RTN4RL1: variants seen among roughly 807,000 people sequenced by gnomAD.
The protein encoded by RTN4RL1 is reticulon 4 receptor like 1, also known as reticulon-4 receptor-like 1.
RTN4RL1 carries 7 observed loss-of-function variants against 25.6 expected under a neutral mutation model. That is an observed-to-expected ratio of 0.27 (90% CI 0.16 to 0.51). RTN4RL1 has a LOEUF of 0.51. RTN4RL1 is among the 20% of genes least tolerant of loss of function. The pLI is 0.97. For synonymous variants in RTN4RL1, 297 were observed against 288.2 expected (o/e 1.03, Z -0.31); for missense variants, 500 against 615.6 (o/e 0.81, Z 1.99).
In RTN4RL1 at chr17:1,988,159, C is replaced by T. The variant is rs534859235; in HGVS notation, c.13+36694G>A. On this transcript the variant is annotated intron_variant, in intron 1 of 1. Transcript: ENST00000331238. ...GGAGGCCGGGCATGGTGGCTCACGC[C>T]TGTAATCCCAGCACTTTGGGAGGCT... is the stretch of plus-strand genomic sequence containing the variant. 2.6e-5 allele frequency among the ~76,000 whole-genome samples: 4 copies of T among 152,086 alleles called. No homozygotes were observed. The East Asian group carries it at 7.7e-4, about 29-fold the overall frequency.
In RTN4RL1 at chr17:1,998,990, C is replaced by T. The variant is rs974238646; in HGVS notation, c.13+25863G>A. 2.6e-5 allele frequency among the ~76,000 whole-genome samples: 4 copies of T among 152,224 alleles called. No homozygotes were observed. The highest frequency in any genetic ancestry group is 6.5e-5 in the Admixed American group (1 of 15,288). ...CTGCTCCCCCTTCCCTGCACGATGC[C>T]ATCCTCTCACACACAGGGCGGGGAC... On this transcript the variant is annotated intron_variant, in intron 1 of 1. Transcript: ENST00000331238. The surrounding 1 kb of genome is among the most constrained non-coding windows in gnomAD (Gnocchi z 4.9).
At chr17:1,970,091 A>C (rs547631740) in intron 1 of RTN4RL1, among the ~76,000 whole-genome samples, 1 of 149,670 alleles carries the variant, frequency 6.7e-6, no homozygotes, top group East Asian at 2.0e-4. Context: ...GCGCAATCTC[A>C]ATTCACTGCA....
rs954039761 is a variant in RTN4RL1, at chr17:1,994,199, G to C, written c.13+30654C>G. 2.0e-5 allele frequency among the ~76,000 whole-genome samples: 3 copies of C among 151,934 alleles called. No individual in the cohort carries two copies. The highest frequency in any genetic ancestry group is 2.0e-4 in the Admixed American group (3 of 15,218). ...GTGTGCCCAGGTGGAATTCACAGGC[G>C]CTGGGAGCTTGAGGGGGAAGTGATG... On this transcript the variant is annotated intron_variant, in intron 1 of 1. Coordinates refer to ENST00000331238, the MANE Select transcript of RTN4RL1 (RefSeq NM_178568.4). The surrounding 1 kb of genome is among the most constrained non-coding windows in gnomAD (Gnocchi z 4.3).
At chr17:1,968,711 C>G (rs2066804346) in intron 1 of RTN4RL1, among the ~76,000 whole-genome samples, 2 of 151,854 alleles carry the variant, frequency 1.3e-5, no homozygotes, top group African/African-American at 4.8e-5. Context: ...CCTGAGGTCA[C>G]CCGTCCCCTC....
chr17:1,972,924 G>C (rs2066826772), intron 1 of RTN4RL1, among the ~76,000 whole-genome samples: 1 of 152,238 alleles, frequency 6.6e-6, no homozygotes, highest in Non-Finnish European at 1.5e-5. Context: ...TGCAGATGAA[G>C]CAGCGGCCGA....
intron 1 of RTN4RL1, among the ~76,000 whole-genome samples, chr17:1,980,843 A>C (rs1307290508): frequency 9.0e-6 from 1 of 111,204 alleles, no homozygotes; most frequent in Non-Finnish European, 1.9e-5. Context: ...CAGGAGAATC[A>C]CTTGAACCCA....
intron 1 of RTN4RL1, among the ~76,000 whole-genome samples, chr17:1,980,163 A>G (rs1300031537): frequency 6.7e-6 from 1 of 148,600 alleles, no homozygotes; most frequent in African/African-American, 2.6e-5. Flanking sequence ...TCCCAGGCTC[A>G]GGTGATCCTC....
intron 1 of RTN4RL1, among the ~76,000 whole-genome samples, chr17:1,951,590 A>C (rs1210320705): frequency 6.6e-6 from 1 of 152,024 alleles, no homozygotes; most frequent in Non-Finnish European, 1.5e-5. Flanking sequence ...AGCTGGGATT[A>C]CAGGCACACG....
Position 2,025,073 on chromosome 17 carries a change from G to A in RTN4RL1, c.-208C>T, listed in dbSNP as rs2067254353. 1 of 433,050 alleles carries A rather than the reference G, an allele frequency of 2.3e-6. No homozygotes were observed. Among genetic ancestry groups the A allele is most frequent in the African/African-American group, 2.1e-5 (1 of 48,010 alleles). 26.8% of individuals were successfully genotyped at this position (433,050 alleles called of 1,614,324 possible). A position where few individuals can be genotyped will look rare whatever the true frequency, so the allele number is the denominator to read the frequency against. On this transcript the variant is annotated 5_prime_UTR_variant, in exon 1 of 2. The change creates a new upstream start codon in the 5' untranslated region. Transcript: ENST00000331238. This position sits in a 1 kb window ranked among gnomAD's most constrained non-coding sequence, Gnocchi z 4.8. The stretch of plus-strand genomic sequence containing the variant: ...AGGGCACCGGCGCCCGCAAGCAACC[G>A]TGGTGCTGCCCGGCAGCCCCGCGCG...
chr17:1,982,609 G>A (rs1159098688), intron 1 of RTN4RL1, among the ~76,000 whole-genome samples: 5 of 134,174 alleles, frequency 3.7e-5, no homozygotes, highest in African/African-American at 1.2e-4. Flanking sequence ...GCGAGACTCC[G>A]TCTCAAAAGA....
At chr17:2,012,143 C>G (rs951086404) in intron 1 of RTN4RL1, among the ~76,000 whole-genome samples, 5 of 152,198 alleles carry the variant, frequency 3.3e-5, no homozygotes, top group Non-Finnish European at 5.9e-5. Context: ...TCTCTGAAGC[C>G]CAGAGAGTGT....
rs1009660045 is a variant in RTN4RL1, at chr17:1,977,488, A to C, written c.14-39680T>G. Among the ~76,000 whole-genome samples the C allele has an allele frequency of 9.2e-5, 14 of 151,990 alleles. No individual in the cohort carries two copies. In the East Asian group the frequency reaches 2.1e-3, roughly 23 times the overall value. On this transcript the variant is annotated intron_variant, in intron 1 of 1. Transcript: ENST00000331238. ...ATCCCCCTGAGGATGACTTTCCCCAAACAAGAGCGGGGTCGAGAGCCGCCC... is the reference window on the plus strand; with the variant it reads ...ATCCCCCTGAGGATGACTTTCCCCACACAAGAGCGGGGTCGAGAGCCGCCC...
At chr17:2,000,848 A>G (rs1300293849) in intron 1 of RTN4RL1, among the ~76,000 whole-genome samples, 1 of 152,034 alleles carries the variant, frequency 6.6e-6, no homozygotes, top group East Asian at 1.9e-4. Context: ...CTACGGGTCC[A>G]GCAGCCTTGG....
At chr17:1,969,769 C>T (rs1342283817) in intron 1 of RTN4RL1, among the ~76,000 whole-genome samples, 6 of 152,130 alleles carry the variant, frequency 3.9e-5, no homozygotes, top group South Asian at 2.1e-4. Context: ...ACTCTGAACA[C>T]GAGGGCTTAA....
intron 1 of RTN4RL1, among the ~76,000 whole-genome samples, chr17:1,938,129 G>A (rs1346998180): frequency 6.6e-6 from 1 of 152,140 alleles, no homozygotes; most frequent in Non-Finnish European, 1.5e-5. Context: ...CACACTGCTG[G>A]GGTGTAGGTC....
At chr17:2,021,869 T>C (rs1245049225) in intron 1 of RTN4RL1, among the ~76,000 whole-genome samples, 2 of 148,604 alleles carry the variant, frequency 1.3e-5, no homozygotes, top group Non-Finnish European at 3.0e-5. Flanking sequence ...TTTTTTTTTT[T>C]TTTTTTTTAA....
chr17:1,971,765 A>T (rs558086196), intron 1 of RTN4RL1, among the ~76,000 whole-genome samples: 2 of 151,978 alleles, frequency 1.3e-5, no homozygotes, highest in Non-Finnish European at 1.5e-5. Flanking sequence ...GATCGAGACC[A>T]TCCTAGCTAA....
At chr17:1,939,373 A>AAT in intron 1 of RTN4RL1, among the ~76,000 whole-genome samples, 1 of 149,102 alleles carries the variant, frequency 6.7e-6, no homozygotes, top group Non-Finnish European at 1.5e-5. Context: ...TAAATAAATA[A>AAT]ATAAATAAAT....
rs147931732 is a variant in RTN4RL1 at position 1,999,142 on chromosome 17, T to TACACAC, written c.13+25705_13+25710dup. Among the ~76,000 whole-genome samples, 259 of 147,942 alleles carry TACACAC rather than the reference T, an allele frequency of 1.8e-3. 1 individual carries two copies. The highest frequency in any genetic ancestry group is 6.3e-3 in the African/African-American group (251 of 40,036). ...CGCTGCACTGAATGTGTGCTCATCATACACACACACACACACACACACCGG... is the reference window on the plus strand; with the variant it reads ...CGCTGCACTGAATGTGTGCTCATCATACACACACACACACACACACACACACACCGG... On this transcript the variant is annotated intron_variant, in intron 1 of 1. Transcript: ENST00000331238.
Sources: allele counts gnomAD v4.1 joint callset (sites outside exome capture counted in the v4.1 genomes callset), GRCh38; gene constraint gnomAD v4.1.1; non-coding constraint Gnocchi (gnomAD v3.1); transcripts MANE v1.5; gene names NCBI Gene and HGNC (gene_info 2026-07-23, HGNC 2026-07-21).